The following NR2C2 variants were observed in gnomAD, a reference collection of about 807,000 sequenced individuals.
NR2C2 encodes the protein nuclear receptor subfamily 2 group C member 2.
In NR2C2, 6 loss-of-function variants were observed where a neutral mutation model predicts 62.9. The ratio of observed to expected loss-of-function variants is 0.10; its 90% CI spans 0.05 to 0.19. NR2C2 has a LOEUF of 0.19. Among genes scored for constraint, NR2C2 ranks in the 10% least tolerant of loss-of-function variants. NR2C2 has a pLI of 1.00. For synonymous variants in NR2C2, 272 were observed against 273.8 expected (o/e 0.99, Z 0.07); for missense variants, 479 against 762.7 (o/e 0.63, Z 4.38).
chr3:15,013,691 G>GCTGGAA lies in NR2C2; in HGVS notation c.180_185dup (p.Thr61_Gly62dup), dbSNP rs1356987014. On this transcript the variant is annotated inframe_insertion, in exon 3 of 14. Transcript: ENST00000425241. ...GTTCATCCTGACCAGCCCAGATGGA[G>GCTGGAA]CTGGAACTGGGAAGGTGATCCTGGC... The GCTGGAA allele has an allele frequency of 6.2e-7, 1 of 1,614,250 alleles. No individual in the cohort carries two copies. Among genetic ancestry groups the GCTGGAA allele is most frequent in the East Asian group, 2.2e-5 (1 of 44,884 alleles).
At chr3:14,971,508 G>A (rs2040039132) in intron 1 of NR2C2, among the ~76,000 whole-genome samples, 1 of 151,696 alleles carries the variant, frequency 6.6e-6, no homozygotes, top group Non-Finnish European at 1.5e-5. Context: ...ATACCCAGAA[G>A]TGGAATTGCT....
intron 2 of NR2C2, chr3:15,004,611 A>G (rs1421716717): frequency 4.3e-6 from 7 of 1,612,110 alleles, no homozygotes; most frequent in African/African-American, 1.3e-5. Flanking sequence ...GAACAAAGAG[A>G]AGGTAGGTGT....
At chr3:14,954,599 A>T (rs1234869216) in intron 1 of NR2C2, among the ~76,000 whole-genome samples, 4 of 152,230 alleles carry the variant, frequency 2.6e-5, no homozygotes, top group Non-Finnish European at 4.4e-5. Context: ...GTTGGGCAAA[A>T]GAAGCCAGAC....
At chr3:15,032,228 C>T (rs1575033393) in intron 9 of NR2C2, 151 bp from the exon 10 acceptor site, 11 of 1,035,528 alleles carry the variant, frequency 1.1e-5, no homozygotes, top group East Asian at 7.2e-5. Flanking sequence ...ATGGGGAGTC[C>T]GTGCAAGCCC....
intron 1 of NR2C2, among the ~76,000 whole-genome samples, chr3:14,954,354 T>C (rs558801803): frequency 3.0e-4 from 45 of 152,060 alleles, no homozygotes; most frequent in South Asian, 6.2e-4. Context: ...TAGATAAAAG[T>C]AAAACAGTTA....
intron 1 of NR2C2, among the ~76,000 whole-genome samples, chr3:14,969,087 GTAAC>G (rs1409067665): frequency 6.0e-5 from 9 of 150,618 alleles, no homozygotes; most frequent in African/African-American, 2.0e-4. Context: ...GTATACATAT[GTAAC>G]TAACCTGCAC....
intron 1 of NR2C2, among the ~76,000 whole-genome samples, chr3:14,991,768 C>CT (rs763730063): frequency 0.076 from 7,624 of 100,296 alleles, 508 homozygotes; most frequent in African/African-American, 0.18. Flanking sequence ...TTTTCTTTTT[C>CT]TTTTTTTTTT....
At chr3:14,951,887 A>G (rs897849121) in intron 1 of NR2C2, among the ~76,000 whole-genome samples, 9 of 152,080 alleles carry the variant, frequency 5.9e-5, no homozygotes, top group Admixed American at 2.6e-4. Flanking sequence ...GGCTGGGACT[A>G]CAGGTGCCCG....
At chr3:14,989,130 C>T (rs932677535) in intron 1 of NR2C2, among the ~76,000 whole-genome samples, 3 of 152,188 alleles carry the variant, frequency 2.0e-5, no homozygotes, top group Non-Finnish European at 4.4e-5. Flanking sequence ...GCCTTAGTGG[C>T]AGGTGCTCTT....
rs780367077 is a variant in NR2C2, at chr3:15,024,561, C to T, written c.798+353C>T. Among the ~76,000 whole-genome samples the T allele has an allele frequency of 9.9e-5, 15 of 152,136 alleles. 1 individual carries two copies. Among genetic ancestry groups the T allele is most frequent in the Non-Finnish European group, 1.8e-4 (12 of 68,016 alleles). ...TTATCAGATGGCCTTTTTGCAAAAG[C>T]CCCGGGTTCCTTTTTATTAGATGAT... On this transcript the variant is annotated intron_variant, in intron 7 of 13. Coordinates refer to ENST00000425241, the MANE Select transcript of NR2C2 (RefSeq NM_001291694.2).
At chr3:15,024,648 C>G (rs1327630711) in intron 7 of NR2C2, among the ~76,000 whole-genome samples, 2 of 152,190 alleles carry the variant, frequency 1.3e-5, no homozygotes, top group Non-Finnish European at 2.9e-5. Context: ...GCAGATCAGT[C>G]ATAGGGATTT....
chr3:15,001,120 G>C (rs2124912660), intron 1 of NR2C2, among the ~76,000 whole-genome samples: 1 of 151,084 alleles, frequency 6.6e-6, no homozygotes, highest in South Asian at 2.1e-4. Context: ...AGCCTATTTA[G>C]GTGTTTTAAA....
intron 1 of NR2C2, among the ~76,000 whole-genome samples, chr3:14,968,954 GA>G (rs2039948971): frequency 6.9e-6 from 1 of 145,284 alleles, no homozygotes; most frequent in Non-Finnish European, 1.5e-5. Context: ...ATGGACACAG[GA>G]AGGGGGAACA....
intron 1 of NR2C2, among the ~76,000 whole-genome samples, chr3:14,962,039 C>A (rs1395301578): frequency 6.6e-6 from 1 of 152,218 alleles, no homozygotes; most frequent in East Asian, 1.9e-4. Flanking sequence ...ACACCTTTCT[C>A]AGATACCCAC....
intron 1 of NR2C2, among the ~76,000 whole-genome samples, chr3:14,957,600 G>A (rs962380665): frequency 6.6e-6 from 1 of 152,052 alleles, no homozygotes; most frequent in Non-Finnish European, 1.5e-5. Context: ...TATTTTTTTA[G>A]AGATAAGGTC....
chr3:15,048,541 T>C lies in NR2C2; in HGVS notation c.*5533T>C, dbSNP rs1418958765. 1.3e-5 allele frequency: 2 copies of C among 152,666 alleles called. No homozygotes were observed. The highest frequency in any genetic ancestry group is 4.8e-5 in the African/African-American group (2 of 41,450). The allele number at this position is 152,666 out of a possible 1,614,324, so 9.5% of individuals were successfully genotyped here. ...AAAAAAATGTTCAACATTTATTGAT[T>C]GATAGACTGTTAAAATTTAATGTTT... is the stretch of plus-strand genomic sequence containing the variant. On this transcript the variant is annotated 3_prime_UTR_variant, in exon 14 of 14. Coordinates refer to ENST00000425241, the MANE Select transcript of NR2C2 (RefSeq NM_001291694.2).
chr3:14,981,741 C>T (rs540271727), intron 1 of NR2C2, among the ~76,000 whole-genome samples: 2 of 152,272 alleles, frequency 1.3e-5, no homozygotes, highest in South Asian at 4.1e-4. Flanking sequence ...AACAGTGCAG[C>T]CTTCAGTCGG....
intron 1 of NR2C2, among the ~76,000 whole-genome samples, chr3:14,978,815 G>A (rs1339093413): frequency 6.6e-6 from 1 of 152,086 alleles, no homozygotes; most frequent in East Asian, 1.9e-4. Flanking sequence ...GACCTCTTTG[G>A]TTCACTCTTT....
At chr3:15,013,007 C>A (rs1337210299) in intron 2 of NR2C2, among the ~76,000 whole-genome samples, 2 of 152,094 alleles carry the variant, frequency 1.3e-5, no homozygotes, top group Non-Finnish European at 2.9e-5. Flanking sequence ...TGTGCTGGCC[C>A]TGGGGATATA....
Sources: allele counts gnomAD v4.1 joint callset (sites outside exome capture counted in the v4.1 genomes callset), GRCh38; gene constraint gnomAD v4.1.1; transcripts MANE v1.5; gene names NCBI Gene and HGNC (gene_info 2026-07-23, HGNC 2026-07-21).